Variants in UNC5C observed in about 807,000 individuals in gnomAD.
UNC5C encodes the protein unc-5 netrin receptor C, also known as netrin receptor UNC5C.
A neutral mutation model predicts 99.8 loss-of-function variants in UNC5C; 47 were observed. That is an observed-to-expected ratio of 0.47 (90% CI 0.37 to 0.60). The LOEUF is 0.60. Among genes scored for constraint, UNC5C ranks in the 20% least tolerant of loss-of-function variants. The pLI is 0.00. For synonymous variants in UNC5C, 487 were observed against 452.2 expected, an observed-to-expected ratio of 1.08 and a Z score of -0.98; for missense variants, 1,062 against 1,165.9, an observed-to-expected ratio of 0.91 and a Z score of 1.30.
intron 12 of UNC5C, among the ~76,000 whole-genome samples, chr4:95,192,277 GCCCACCTCTT>G (rs1737161326): frequency 2.3e-5 from 2 of 85,726 alleles, no homozygotes; most frequent in African/African-American, 5.2e-5. Context: ...CACCTCTTCT[GCCCACCTCTT>G]CTCACCTCCT....
intron 1 of UNC5C, among the ~76,000 whole-genome samples, chr4:95,362,848 C>A (rs983039874): frequency 2.6e-5 from 4 of 151,938 alleles, no homozygotes; most frequent in African/African-American, 9.7e-5. Context: ...ATATGAAGAT[C>A]AAGAAAATGA....
chr4:95,446,099 C>T (rs578109492), intron 1 of UNC5C, among the ~76,000 whole-genome samples: 1 of 152,042 alleles, frequency 6.6e-6, no homozygotes, highest in East Asian at 1.9e-4. Flanking sequence ...CTAAAGAGAC[C>T]GGCCTCATTC....
chr4:95,182,244 A>C (rs1006036077), intron 14 of UNC5C, among the ~76,000 whole-genome samples: 1 of 152,240 alleles, frequency 6.6e-6, no homozygotes, highest in African/African-American at 2.4e-5. Context: ...TGAAGATCAC[A>C]GCAAAGGAAG....
At chr4:95,240,054 CTTTAT>C (rs1278287691) in intron 7 of UNC5C, among the ~76,000 whole-genome samples, 2 of 152,098 alleles carry the variant, frequency 1.3e-5, no homozygotes, top group Non-Finnish European at 2.9e-5. Context: ...AGTAGACTAG[CTTTAT>C]TTTGAGATAA....
intron 2 of UNC5C, among the ~76,000 whole-genome samples, chr4:95,316,251 T>C (rs1341598241): frequency 6.6e-6 from 1 of 152,196 alleles, no homozygotes; most frequent in Non-Finnish European, 1.5e-5. Flanking sequence ...GGGTACATGA[T>C]AGATCAAAAT....
At chr4:95,308,124 A>G (rs978501061) in intron 2 of UNC5C, among the ~76,000 whole-genome samples, 1 of 152,202 alleles carries the variant, frequency 6.6e-6, no homozygotes, top group Admixed American at 6.5e-5. Context: ...TCAATTATGC[A>G]AGAGGAAAAA....
intron 1 of UNC5C, among the ~76,000 whole-genome samples, chr4:95,378,128 G>C (rs1744953155): frequency 6.6e-6 from 1 of 152,134 alleles, no homozygotes; most frequent in Non-Finnish European, 1.5e-5. Context: ...TATATAGAGA[G>C]AGTATCCTTT....
intron 1 of UNC5C, among the ~76,000 whole-genome samples, chr4:95,539,106 T>G (rs1722851724): frequency 6.6e-6 from 1 of 152,174 alleles, no homozygotes; most frequent in East Asian, 1.9e-4. Context: ...GGTCACCTCA[T>G]GTAGGGTGCT....
At chr4:95,548,040 T>C (rs542924601) in intron 1 of UNC5C, among the ~76,000 whole-genome samples, 1 of 152,292 alleles carries the variant, frequency 6.6e-6, no homozygotes, top group East Asian at 1.9e-4. Flanking sequence ...GCTCCGGGAT[T>C]TTCATTTCTA....
At chr4:95,181,663 T>A (rs1736618027) in intron 14 of UNC5C, among the ~76,000 whole-genome samples, 1 of 151,748 alleles carries the variant, frequency 6.6e-6, no homozygotes, top group Non-Finnish European at 1.5e-5. Context: ...GACACCGAGA[T>A]CATTCCTTAT....
chr4:95,457,961 C>T (rs1313624487), intron 1 of UNC5C, among the ~76,000 whole-genome samples: 8 of 152,210 alleles, frequency 5.3e-5, no homozygotes, highest in African/African-American at 1.9e-4. Flanking sequence ...TTCTATAGAA[C>T]TCTGAGAAAT....
intron 1 of UNC5C, among the ~76,000 whole-genome samples, chr4:95,516,355 G>A (rs911194856): frequency 6.6e-6 from 1 of 152,138 alleles, no homozygotes; most frequent in Non-Finnish European, 1.5e-5. Flanking sequence ...TATTGACTGG[G>A]ACAGAAGGTT....
chr4:95,520,932 G>A (rs1722338795), intron 1 of UNC5C, among the ~76,000 whole-genome samples: 1 of 151,980 alleles, frequency 6.6e-6, no homozygotes, highest in Non-Finnish European at 1.5e-5. Context: ...CTGGGTACCT[G>A]TTGTTCCTAT....
intron 1 of UNC5C, among the ~76,000 whole-genome samples, chr4:95,515,948 G>A (rs1268147451): frequency 3.3e-5 from 5 of 152,102 alleles, no homozygotes; most frequent in Non-Finnish European, 7.4e-5. Context: ...TTGTATGTAT[G>A]CATATATTAA....
intron 1 of UNC5C, among the ~76,000 whole-genome samples, chr4:95,415,814 G>A (rs547821670): frequency 5.3e-5 from 8 of 151,894 alleles, no homozygotes; most frequent in South Asian, 2.1e-4. Flanking sequence ...AAGTACAGGC[G>A]TTAAATGGCA....
At chr4:95,201,642 C>T (rs549124574) in intron 12 of UNC5C, among the ~76,000 whole-genome samples, 1 of 151,280 alleles carries the variant, frequency 6.6e-6, no homozygotes, top group Non-Finnish European at 1.5e-5. Context: ...TTCACTCTGT[C>T]GCCTAGGCTG....
chr4:95,280,102 C>T (rs115977131), intron 3 of UNC5C, among the ~76,000 whole-genome samples: 2 of 152,094 alleles, frequency 1.3e-5, no homozygotes, highest in East Asian at 3.9e-4. Flanking sequence ...GACCACGGAC[C>T]AGTACCAGTT....
chr4:95,498,503 A>G (rs1393163589), intron 1 of UNC5C, among the ~76,000 whole-genome samples: 1 of 152,068 alleles, frequency 6.6e-6, no homozygotes, highest in African/African-American at 2.4e-5. Flanking sequence ...GATACTCCTT[A>G]CCAAAGTACT....
intron 14 of UNC5C, among the ~76,000 whole-genome samples, chr4:95,179,039 C>CTTAT (rs1012392574): frequency 1.4e-4 from 22 of 152,278 alleles, no homozygotes; most frequent in African/African-American, 5.3e-4. Context: ...TCACAGAATG[C>CTTAT]TTATTTCAAT....
Sources: gnomAD v4.1 joint callset for allele counts (sites outside exome capture counted in the v4.1 genomes callset) on GRCh38, gnomAD v4.1.1 for gene constraint, MANE v1.5 for transcripts, NCBI Gene and HGNC (gene_info 2026-07-23, HGNC 2026-07-21) for gene names.